The following NCMAP variants were observed in gnomAD, a reference collection of about 807,000 sequenced individuals.
NCMAP encodes non-compact myelin associated protein, also known as noncompact myelin-associated protein.
Under a neutral mutation model 7.8 loss-of-function variants are expected in NCMAP, and 8 were observed. That is an observed-to-expected ratio of 1.02 (90% CI 0.60 to 1.84). The LOEUF (loss-of-function observed/expected upper bound fraction) is 1.84, where lower values mean the gene tolerates loss of function less well. Ranked by LOEUF, NCMAP falls within the 40% of genes most tolerant of loss-of-function variation. The probability of loss-of-function intolerance (pLI) is 0.00; values close to 1 mark genes in which losing one functional copy is unlikely to be tolerated. For missense variants in NCMAP, 112 were observed against 131.4 expected (o/e 0.85, Z 0.72); for synonymous variants, 41 against 52.9 (o/e 0.78, Z 0.98).
At chr1:24,596,517 T>C (rs1266668071) in intron 2 of NCMAP, among the ~76,000 whole-genome samples, 2 of 152,014 alleles carry the variant, frequency 1.3e-5, no homozygotes, top group African/African-American at 4.8e-5. Context: ...ACACCATGTC[T>C]ACAACAAATA....
intron 1 of NCMAP, among the ~76,000 whole-genome samples, chr1:24,560,033 C>A (rs1028378914): frequency 2.6e-5 from 4 of 151,886 alleles, no homozygotes; most frequent in Admixed American, 2.0e-4. Context: ...TGGTGGCGGG[C>A]GCCTGTGGTC....
intron 1 of NCMAP, among the ~76,000 whole-genome samples, chr1:24,565,080 C>T (rs1651183719): frequency 1.3e-5 from 2 of 150,838 alleles, no homozygotes; most frequent in Non-Finnish European, 2.9e-5. Context: ...TGTGGGAAGT[C>T]AGGCTTCAGT....
chr1:24,579,264 T>C (rs1318840710), intron 1 of NCMAP, among the ~76,000 whole-genome samples: 2 of 152,124 alleles, frequency 1.3e-5, no homozygotes, highest in Non-Finnish European at 2.9e-5. Flanking sequence ...TCTTGTTTTA[T>C]AGATGCAATA....
At chr1:24,604,002 T>C (rs1652595901) in intron 3 of NCMAP, among the ~76,000 whole-genome samples, 1 of 152,252 alleles carries the variant, frequency 6.6e-6, no homozygotes, top group Admixed American at 6.5e-5. Context: ...CTTCTTGCTC[T>C]GTTATCCACG....
chr1:24,564,577 AAAAGG>A lies in NCMAP; in HGVS notation c.-8+8413_-8+8417del, dbSNP rs145272078. ...GATGGAGAGTATACGTATGATTCCC[AAAAGG>A]AAAGAAAAATAAAAGTGGAGATGAG... is the stretch of plus-strand genomic sequence containing the variant. On this transcript the variant is annotated intron_variant, in intron 1 of 3. Transcript: ENST00000374392. 4.1e-3 allele frequency among the ~76,000 whole-genome samples: 621 copies of A among 150,472 alleles called. 4 individuals carry two copies. Among genetic ancestry groups the A allele is most frequent in the African/African-American group, 0.015 (601 of 40,942 alleles).
chr1:24,598,741 G>A (rs1245429805), intron 2 of NCMAP, among the ~76,000 whole-genome samples: 6 of 151,404 alleles, frequency 4.0e-5, no homozygotes, highest in African/African-American at 1.2e-4. Flanking sequence ...GGGCTCAAGC[G>A]ATTCTCGTGC....
At chr1:24,602,035 C>T (rs1046454916) in intron 3 of NCMAP, among the ~76,000 whole-genome samples, 4 of 104,090 alleles carry the variant, frequency 3.8e-5, no homozygotes, top group South Asian at 3.3e-4. Context: ...AGCGAAACTC[C>T]GTCTCAAAAA....
intron 1 of NCMAP, among the ~76,000 whole-genome samples, chr1:24,579,694 A>C (rs1274987271): frequency 1.3e-5 from 2 of 152,214 alleles, no homozygotes; most frequent in Non-Finnish European, 2.9e-5. Flanking sequence ...GCACCACTGC[A>C]CTCCAGCCTG....
At chr1:24,585,568 G>C (rs186248023) in intron 1 of NCMAP, among the ~76,000 whole-genome samples, 357 of 152,280 alleles carry the variant, frequency 2.3e-3, no homozygotes, top group Non-Finnish European at 3.9e-3. Flanking sequence ...CCTTAGAGAT[G>C]ATCTCCAAAC....
At chr1:24,603,371 A>G (rs187468380) in intron 3 of NCMAP, among the ~76,000 whole-genome samples, 1 of 149,800 alleles carries the variant, frequency 6.7e-6, no homozygotes, top group East Asian at 1.9e-4. Context: ...AAAATTATTT[A>G]AAAAAAAATT....
chr1:24,584,016 C>T (rs189295502), intron 1 of NCMAP, among the ~76,000 whole-genome samples: 11 of 152,320 alleles, frequency 7.2e-5, no homozygotes, highest in Non-Finnish European at 1.3e-4. Context: ...GTGCCTGGCA[C>T]TTGCATAGGG....
chr1:24,557,163 C>A (rs1355036602), intron 1 of NCMAP, among the ~76,000 whole-genome samples: 1 of 152,174 alleles, frequency 6.6e-6, no homozygotes, highest in Admixed American at 6.5e-5. Context: ...ATCCCCAGCA[C>A]CAGCACGGTG....
At position 24,602,433 on chromosome 1, in the gene NCMAP, A is replaced by T. The variant is rs1652535112; in HGVS notation, c.167+1409A>T. ...AAAATACAAAAAATTAGCCGGGCGC[A>T]GTGGTGGGCGCCTGTAGTCCCAGCT... On this transcript the variant is annotated intron_variant, in intron 3 of 3. Coordinates refer to ENST00000374392, the MANE Select transcript of NCMAP (RefSeq NM_001010980.5). 9.7e-5 allele frequency among the ~76,000 whole-genome samples: 14 copies of T among 144,122 alleles called. 1 individual carries two copies. The highest frequency in any genetic ancestry group is 3.7e-4 in the African/African-American group (13 of 34,728). The allele number at this position is 144,122 out of a possible 152,430, so 94.5% of individuals were successfully genotyped here. A position where few individuals can be genotyped will look rare whatever the true frequency, so the allele number is the denominator to read the frequency against.
intron 1 of NCMAP, among the ~76,000 whole-genome samples, chr1:24,559,830 A>G (rs1342711373): frequency 2.0e-5 from 3 of 152,208 alleles, no homozygotes. Flanking sequence ...CAGTTTCCTA[A>G]TTTAACCAGA....
Position 24,600,952 on chromosome 1 carries a change from T to C in NCMAP, c.95T>C (p.Ile32Thr). 6.2e-7 allele frequency: 1 copy of C among 1,614,100 alleles called. No individual in the cohort carries two copies. The highest frequency in any genetic ancestry group is 8.5e-7 in the Non-Finnish European group (1 of 1,180,004). The stretch of plus-strand genomic sequence containing the variant: ...CTCCTTTCTGTAGGTTCTGGAGCCA[T>C]TGTTGCTGCCGTTGTGGTGGTTGTC... ...EDFLYKSSGAIVAAVVVVVII... is the reference protein window; with the variant it reads ...EDFLYKSSGATVAAVVVVVII... Residue 32 changes from isoleucine (I) to threonine (T), a missense_variant, in exon 3 of 4, where the codon ATT (isoleucine) becomes ACT (threonine). Physicochemically the swap from Ile to Thr is moderately conservative, Grantham distance 89. Transcript: ENST00000374392.
chr1:24,572,918 C>T (rs1349945890), intron 1 of NCMAP, among the ~76,000 whole-genome samples: 1 of 150,754 alleles, frequency 6.6e-6, no homozygotes, highest in African/African-American at 2.5e-5. Flanking sequence ...CTCAGTCTCT[C>T]TGAGCCTCAG....
At chr1:24,573,871 G>T (rs1326232853) in intron 1 of NCMAP, among the ~76,000 whole-genome samples, 2 of 147,780 alleles carry the variant, frequency 1.4e-5, no homozygotes, top group Admixed American at 6.7e-5. Flanking sequence ...AGATTAGCGA[G>T]CGAGTCTGAG....
chr1:24,587,094 A>G (rs889598187), intron 1 of NCMAP, among the ~76,000 whole-genome samples: 17 of 152,236 alleles, frequency 1.1e-4, no homozygotes, highest in African/African-American at 3.6e-4. Context: ...AGTAAATAGC[A>G]GAATTCAGGC....
At chr1:24,590,647 C>T (rs1005054181) in intron 1 of NCMAP, among the ~76,000 whole-genome samples, 2 of 152,120 alleles carry the variant, frequency 1.3e-5, no homozygotes, top group African/African-American at 2.4e-5. Flanking sequence ...GTCACCCAAG[C>T]TGGAATGCAA....
Sources: gnomAD v4.1 joint callset for allele counts (sites outside exome capture counted in the v4.1 genomes callset) on GRCh38, gnomAD v4.1.1 for gene constraint, MANE v1.5 for transcripts, NCBI Gene and HGNC (gene_info 2026-07-23, HGNC 2026-07-21) for gene names.